Variants in FCGR2A observed in about 807,000 individuals in gnomAD.
FCGR2A encodes the protein Fc gamma receptor IIa, also known as low affinity immunoglobulin gamma Fc region receptor II-a.
In FCGR2A, 18 loss-of-function variants were observed where a neutral mutation model predicts 29.3. The ratio of observed to expected loss-of-function variants is 0.62; its 90% CI spans 0.43 to 0.91. The LOEUF (loss-of-function observed/expected upper bound fraction) is 0.91, where lower values mean the gene tolerates loss of function less well. Among genes scored for constraint, FCGR2A ranks in the 40% least tolerant of loss-of-function variants. The pLI, the probability that FCGR2A is intolerant of heterozygous loss-of-function variation, is 0.00. For missense variants in FCGR2A, 287 were observed against 393.0 expected (o/e 0.73, Z 2.28); for synonymous variants, 126 against 144.8 (o/e 0.87, Z 0.93).
intron 5 of FCGR2A, among the ~76,000 whole-genome samples, chr1:161,512,017 A>T (rs1463574152): frequency 1.3e-5 from 2 of 152,168 alleles, no homozygotes; most frequent in East Asian, 3.8e-4. Flanking sequence ...CTCGCTGGAG[A>T]TGAGAAGAGA....
chr1:161,515,740 A>T (rs368080622), intron 6 of FCGR2A, among the ~76,000 whole-genome samples: 1 of 152,272 alleles, frequency 6.6e-6, no homozygotes, highest in Non-Finnish European at 1.5e-5. Context: ...GCTAACTTTA[A>T]CTAGAGGCTA....
chr1:161,513,661 C>T (rs551369796), intron 5 of FCGR2A: 7 of 593,856 alleles, frequency 1.2e-5, no homozygotes, highest in Non-Finnish European at 2.1e-5. Flanking sequence ...AGAGTGTGGC[C>T]CAAGTGACTG....
At position 161,518,444 on chromosome 1, in the gene FCGR2A, G is replaced by T; in HGVS notation, c.*296G>T. ...AAGCAGCCTACTAACATATAATTAG[G>T]TGACTAGGGACTTTCTAAGAAGATA... On this transcript the variant is annotated 3_prime_UTR_variant, in exon 7 of 7. Coordinates refer to ENST00000271450, the MANE Select transcript of FCGR2A (RefSeq NM_001136219.3). 2.2e-6 allele frequency: 1 copy of T among 452,818 alleles called. No individual in the cohort carries two copies. Among genetic ancestry groups the T allele is most frequent in the East Asian group, 4.2e-5 (1 of 23,702 alleles). 28.1% of individuals were successfully genotyped at this position (452,818 alleles called of 1,614,324 possible). A position where few individuals can be genotyped will look rare whatever the true frequency, so the allele number is the denominator to read the frequency against.
chr1:161,517,966 T>G lies in FCGR2A; in HGVS notation c.781-9T>G. The G allele has an allele frequency of 6.2e-7, 1 of 1,613,054 alleles. No homozygotes were observed. Among genetic ancestry groups the G allele is most frequent in the Non-Finnish European group, 8.5e-7 (1 of 1,179,066 alleles). On this transcript the variant is annotated splice_polypyrimidine_tract_variant and intron_variant, in intron 6 of 6. Coordinates refer to ENST00000271450, the MANE Select transcript of FCGR2A (RefSeq NM_001136219.3). The stretch of plus-strand genomic sequence containing the variant: ...AATTATCCTATGGGTTTTAAATGCT[T>G]TCCTGCAGCCACCTGGACGTCAAAT...
chr1:161,513,840 G>A (rs1675970732), intron 5 of FCGR2A, 55 bp from the exon 6 acceptor site: 1 of 1,613,880 alleles, frequency 6.2e-7, no homozygotes, highest in African/African-American at 1.3e-5. Flanking sequence ...CATCAGCGTG[G>A]GCAGGCCCTT....
chr1:161,520,726 A>G (rs1252738010), downstream of FCGR2A, among the ~76,000 whole-genome samples: 1 of 151,824 alleles, frequency 6.6e-6, no homozygotes, highest in Non-Finnish European at 1.5e-5. Flanking sequence ...TTGCCATCCT[A>G]TAGTCTATTC....
intron 4 of FCGR2A, chr1:161,510,364 C>T: frequency 3.1e-6 from 2 of 642,490 alleles, no homozygotes; most frequent in Non-Finnish European, 5.6e-6. Context: ...TGCAGAGGTT[C>T]CCTAAGCTCC....
At chr1:161,515,099 T>A (rs1331352210) in intron 6 of FCGR2A, among the ~76,000 whole-genome samples, 54 of 152,372 alleles carry the variant, frequency 3.5e-4, no homozygotes, top group Admixed American at 1.2e-3. Flanking sequence ...AAATTGTTCA[T>A]TTAAGGGATG....
In FCGR2A at chr1:161,505,947, T is replaced by C. The variant is rs200540249; in HGVS notation, c.86-40T>C. The C allele has an allele frequency of 2.0e-5, 32 of 1,612,186 alleles. No individual in the cohort carries two copies. The Admixed American group carries it at 3.8e-4, about 19-fold the overall frequency. ...TACGCAGCTAAATTTGAAGCCGTGT[T>C]CTCCTGCTCGACGTTGATCCACTCT... On this transcript the variant is annotated intron_variant, in intron 1 of 6. Transcript: ENST00000271450.
downstream of FCGR2A, among the ~76,000 whole-genome samples, chr1:161,521,104 C>G (rs1043837165): frequency 3.4e-5 from 5 of 149,032 alleles, no homozygotes; most frequent in Non-Finnish European, 7.4e-5. Context: ...TTCGGTATAA[C>G]CTGTCGCCCT....
chr1:161,510,326 TG>T, intron 4 of FCGR2A: 1 of 717,992 alleles, frequency 1.4e-6, no homozygotes, highest in Non-Finnish European at 2.4e-6. Flanking sequence ...AGACTAAAGA[TG>T]GCAGTGAAGC....
chr1:161,506,737 C>A, intron 3 of FCGR2A, 146 bp downstream of exon 3: 1 of 1,414,902 alleles, frequency 7.1e-7, no homozygotes, highest in East Asian at 2.4e-5. Context: ...CCCATTTCAC[C>A]CACCCTCTTT....
chr1:161,523,941 T>C (rs1168079630), downstream of FCGR2A: 1 of 152,480 alleles, frequency 6.6e-6, no homozygotes, highest in African/African-American at 2.4e-5. Context: ...AGACCTGCAG[T>C]ATTGTCTCTT....
chr1:161,508,026 C>T (rs7518087), intron 3 of FCGR2A, among the ~76,000 whole-genome samples: 15,806 of 130,806 alleles, frequency 0.12, 967 homozygotes, highest in Middle Eastern at 0.21. Flanking sequence ...GTGGAGGTTG[C>T]GGTGAGCCAA....
downstream of FCGR2A, among the ~76,000 whole-genome samples, chr1:161,522,247 A>G (rs1356234222): frequency 2.6e-5 from 4 of 152,082 alleles, no homozygotes; most frequent in African/African-American, 9.7e-5. Flanking sequence ...ACAACCCTAC[A>G]GTGGCTCTTT....
chr1:161,508,091 A>G (rs1675533757), intron 3 of FCGR2A, among the ~76,000 whole-genome samples: 1 of 122,220 alleles, frequency 8.2e-6, no homozygotes, highest in South Asian at 2.5e-4. Context: ...TGTCTCAAAA[A>G]AAAAAAAAAA....
rs564262051 is a variant in FCGR2A at position 161,514,125 on chromosome 1, G to A, written c.780+193G>A. On this transcript the variant is annotated intron_variant, in intron 6 of 6. Coordinates refer to ENST00000271450, the MANE Select transcript of FCGR2A (RefSeq NM_001136219.3). ...GCAAACATAAGTGAAACTCAAGTTGGATTGTAACTAAAAATAGGTAATACT... is the reference window on the plus strand; with the variant it reads ...GCAAACATAAGTGAAACTCAAGTTGAATTGTAACTAAAAATAGGTAATACT... Among the ~76,000 whole-genome samples, 195 of 152,244 alleles carry A rather than the reference G, an allele frequency of 1.3e-3. 1 individual carries two copies. Among genetic ancestry groups the A allele is most frequent in the Middle Eastern group, 6.8e-3 (2 of 294 alleles).
chr1:161,508,086 C>CAAAA (rs61414204), intron 3 of FCGR2A, among the ~76,000 whole-genome samples: 6 of 68,224 alleles, frequency 8.8e-5, no homozygotes, highest in Admixed American at 1.8e-4. Context: ...AACTCTGTCT[C>CAAAA]AAAAAAAAAA....
At position 161,519,153 on chromosome 1, in the gene FCGR2A, G is replaced by A. The variant is rs75131185; in HGVS notation, c.*1005G>A. On this transcript the variant is annotated 3_prime_UTR_variant, in exon 7 of 7. Transcript: ENST00000271450. ...TATTTCCTGGACTAAATTCCCCTTG[G>A]GGAAGACGAAGGGATGCTGCAGTTC... The A allele has an allele frequency of 0.041, 5,993 of 146,142 alleles. 142 individuals carry two copies. The highest frequency in any genetic ancestry group is 0.077 in the Middle Eastern group (21 of 274). 9.1% of individuals were successfully genotyped at this position (146,142 alleles called of 1,614,324 possible).
Sources: gnomAD v4.1 joint callset for allele counts (sites outside exome capture counted in the v4.1 genomes callset) on GRCh38, gnomAD v4.1.1 for gene constraint, MANE v1.5 for transcripts, NCBI Gene and HGNC (gene_info 2026-07-23, HGNC 2026-07-21) for gene names.